The following SLC49A4 variants were observed in gnomAD, a reference collection of about 807,000 sequenced individuals.
SLC49A4 encodes the protein disrupted in renal cancer protein 2.
A neutral mutation model predicts 50.6 loss-of-function variants in SLC49A4; 36 were observed. The observed-to-expected ratio is 0.71, with a 90% CI of 0.55 to 0.94. SLC49A4 has a LOEUF of 0.94. Among genes scored for constraint, SLC49A4 ranks in the 40% least tolerant of loss-of-function variants. SLC49A4 has a pLI of 0.00. For synonymous variants in SLC49A4, 248 were observed against 241.2 expected (o/e 1.03, Z -0.26); for missense variants, 503 against 605.7 (o/e 0.83, Z 1.78).
chr3:122,819,166 G>C (rs1210966549), intron 2 of SLC49A4, among the ~76,000 whole-genome samples: 1 of 147,640 alleles, frequency 6.8e-6, no homozygotes, highest in Non-Finnish European at 1.5e-5. Context: ...GATCACTTGA[G>C]CCCAGAGGTC....
At chr3:122,847,616 A>T (rs1210925970) in intron 5 of SLC49A4, among the ~76,000 whole-genome samples, 3 of 152,094 alleles carry the variant, frequency 2.0e-5, no homozygotes, top group Non-Finnish European at 4.4e-5. Context: ...AAGTGCTGGG[A>T]TTACAGGCGT....
At chr3:122,811,279 A>G (rs1391882630) in intron 2 of SLC49A4, among the ~76,000 whole-genome samples, 1 of 152,280 alleles carries the variant, frequency 6.6e-6, no homozygotes, top group Non-Finnish European at 1.5e-5. Context: ...TATAAATGGC[A>G]TGAACTCAAG....
intron 7 of SLC49A4, among the ~76,000 whole-genome samples, chr3:122,868,240 T>A (rs1306742011): frequency 6.6e-6 from 1 of 152,148 alleles, no homozygotes; most frequent in Non-Finnish European, 1.5e-5. Context: ...GTGCTTGAAA[T>A]ACATTCATTT....
intron 1 of SLC49A4, among the ~76,000 whole-genome samples, chr3:122,806,021 G>C (rs1050797644): frequency 2.0e-5 from 3 of 152,082 alleles, no homozygotes; most frequent in African/African-American, 7.2e-5. Flanking sequence ...GAGTTCTAAA[G>C]GACCACTTCC....
At chr3:122,802,495 A>G (rs951812432) in intron 1 of SLC49A4, among the ~76,000 whole-genome samples, 2 of 152,198 alleles carry the variant, frequency 1.3e-5, no homozygotes, top group African/African-American at 4.8e-5. Flanking sequence ...CATGTGAGGA[A>G]ATTAGCCAAG....
chr3:122,838,130 C>T (rs1560216875), intron 4 of SLC49A4, among the ~76,000 whole-genome samples: 1 of 151,952 alleles, frequency 6.6e-6, no homozygotes, highest in Non-Finnish European at 1.5e-5. Flanking sequence ...CTAGTTCAAC[C>T]ATTGTGGAAG....
chr3:122,818,161 G>A (rs1479286731), intron 2 of SLC49A4, among the ~76,000 whole-genome samples: 1 of 151,982 alleles, frequency 6.6e-6, no homozygotes, highest in Non-Finnish European at 1.5e-5. Flanking sequence ...TAGGAAAATG[G>A]TTAAATGAGA....
In SLC49A4 at chr3:122,798,634, C is replaced by CTTTTTT. The variant is rs71136594; in HGVS notation, c.343+3122_343+3127dup. 3.3e-4 allele frequency among the ~76,000 whole-genome samples: 21 copies of CTTTTTT among 62,842 alleles called. 1 individual carries two copies. The highest frequency in any genetic ancestry group is 5.4e-4 in the East Asian group (1 of 1,848). The allele number at this position is 62,842 out of a possible 152,430, so 41.2% of individuals were successfully genotyped here. On this transcript the variant is annotated intron_variant, in intron 1 of 8. Coordinates refer to ENST00000261038, the MANE Select transcript of SLC49A4 (RefSeq NM_032839.3). ...CTGGCATCCTTGGGTACTAAAATAT[C>CTTTTTT]TTTTTTTTTTTTTTTTTTTTTTTTT...
In SLC49A4 at chr3:122,795,249, C is replaced by CGGGCCTGGGCTGG; in HGVS notation, c.64_76dup (p.Ser26TrpfsTer123). The CGGGCCTGGGCTGG allele has an allele frequency of 7.4e-7, 1 of 1,347,606 alleles. No individual in the cohort carries two copies. The highest frequency in any genetic ancestry group is 9.4e-7 in the Non-Finnish European group (1 of 1,059,010). The allele number at this position is 1,347,606 out of a possible 1,614,324, so 83.5% of individuals were successfully genotyped here. ...GGCAGCCGCTGCTGGGGCCCGGGCT[C>CGGGCCTGGGCTGG]GGGCCTGGGCTGGGGGCCTCCTGGA... is the stretch of plus-strand genomic sequence containing the variant. On this transcript the variant is annotated frameshift_variant, in exon 1 of 9. Transcript: ENST00000261038. LOFTEE classifies it high-confidence loss of function.
chr3:122,799,284 G>T (rs574942861), intron 1 of SLC49A4, among the ~76,000 whole-genome samples: 4 of 152,310 alleles, frequency 2.6e-5, no homozygotes, highest in Admixed American at 2.0e-4. Flanking sequence ...TGATAGAGTG[G>T]TATCATACTT....
rs553644651 is a variant in SLC49A4, at chr3:122,867,887, A to G, written c.1139-4528A>G. On this transcript the variant is annotated intron_variant, in intron 7 of 8. Transcript: ENST00000261038. ...TCCCAGCACTTTGGGAGGCCAAGAC[A>G]GGCGGATCACGAGGTCAGGAGATCG... 7.2e-5 allele frequency among the ~76,000 whole-genome samples: 11 copies of G among 151,888 alleles called. No individual in the cohort carries two copies. The East Asian group carries it at 2.1e-3, about 30-fold the overall frequency.
chr3:122,850,039 A>G (rs902969177), intron 5 of SLC49A4, among the ~76,000 whole-genome samples: 4 of 152,212 alleles, frequency 2.6e-5, no homozygotes, highest in African/African-American at 9.6e-5. Context: ...TTATATAAAC[A>G]TGCTCTTTGA....
chr3:122,846,344 G>A (rs71330916), intron 5 of SLC49A4, among the ~76,000 whole-genome samples: 14,399 of 152,070 alleles, frequency 0.095, 753 homozygotes, highest in East Asian at 0.14. Flanking sequence ...TGGTAGAAAG[G>A]AGGAGAGAGA....
At chr3:122,841,526 T>G (rs1010128590) in intron 4 of SLC49A4, among the ~76,000 whole-genome samples, 4 of 152,214 alleles carry the variant, frequency 2.6e-5, no homozygotes, top group Non-Finnish European at 5.9e-5. Context: ...TAAAGTAAAA[T>G]GTACTCCTAC....
At chr3:122,825,635 T>TA (rs71621694) in intron 2 of SLC49A4, among the ~76,000 whole-genome samples, 13,995 of 144,092 alleles carry the variant, frequency 0.097, 700 homozygotes, top group East Asian at 0.14. Context: ...GATGGCAGTT[T>TA]AAAAAAAAAA....
chr3:122,837,292 T>C (rs1936701334), intron 4 of SLC49A4, among the ~76,000 whole-genome samples: 5 of 152,120 alleles, frequency 3.3e-5, no homozygotes, highest in Admixed American at 3.3e-4. Context: ...GGAGGCATCA[T>C]GTGACCTGAC....
At chr3:122,798,879 G>C (rs1016632998) in intron 1 of SLC49A4, among the ~76,000 whole-genome samples, 4 of 151,824 alleles carry the variant, frequency 2.6e-5, no homozygotes, top group African/African-American at 9.7e-5. Context: ...GCTCAAGCAA[G>C]GCACCAAAAT....
intron 2 of SLC49A4, among the ~76,000 whole-genome samples, chr3:122,824,152 A>G (rs1272007815): frequency 2.0e-5 from 3 of 152,242 alleles, no homozygotes; most frequent in Non-Finnish European, 4.4e-5. Context: ...ATACAAAAGC[A>G]TGTAATTATC....
chr3:122,810,666 A>G (rs903227416), intron 2 of SLC49A4, among the ~76,000 whole-genome samples: 5 of 152,236 alleles, frequency 3.3e-5, no homozygotes, highest in Admixed American at 2.0e-4. Flanking sequence ...CACATGCCAC[A>G]TTATCTTTTC....
Sources: allele counts gnomAD v4.1 joint callset (sites outside exome capture counted in the v4.1 genomes callset), GRCh38; gene constraint gnomAD v4.1.1; transcripts MANE v1.5; gene names NCBI Gene and HGNC (gene_info 2026-07-23, HGNC 2026-07-21).